The following TJP1 variants were observed in gnomAD, a reference collection of about 807,000 sequenced individuals.
The protein encoded by TJP1 is tight junction protein 1.
Under a neutral mutation model 194.2 loss-of-function variants are expected in TJP1, and 43 were observed. The observed-to-expected ratio is 0.22, with a 90% CI of 0.17 to 0.29. The LOEUF is 0.29. Among genes scored for constraint, TJP1 ranks in the 10% least tolerant of loss-of-function variants. The pLI is 1.00. For missense variants in TJP1, 1,971 were observed against 2,185.7 expected (o/e 0.90, Z 1.96); for synonymous variants, 801 against 779.0 (o/e 1.03, Z -0.47).
chr15:29,960,723 T>C (rs917583439), intron 1 of TJP1, among the ~76,000 whole-genome samples: 12 of 151,752 alleles, frequency 7.9e-5, no homozygotes, highest in South Asian at 2.1e-4. Flanking sequence ...GCCCACAGAC[T>C]CCACAGGAAG....
intron 27 of TJP1, among the ~76,000 whole-genome samples, chr15:29,703,178 C>CGG (rs1160527393): frequency 1.3e-5 from 2 of 152,166 alleles, no homozygotes; most frequent in Non-Finnish European, 2.9e-5. Context: ...AGGCCAGGCA[C>CGG]GGTGGCTCAC....
chr15:29,793,486 T>C (rs1329077113), intron 2 of TJP1, among the ~76,000 whole-genome samples: 4 of 152,210 alleles, frequency 2.6e-5, no homozygotes, highest in South Asian at 2.1e-4. Flanking sequence ...AAAGAGTTCA[T>C]TGGCTCACTA....
At chr15:29,906,934 G>A (rs2053834940) in intron 2 of TJP1, among the ~76,000 whole-genome samples, 1 of 151,770 alleles carries the variant, frequency 6.6e-6, no homozygotes, top group Admixed American at 6.6e-5. Flanking sequence ...ACTATTAACT[G>A]GAAAAAGCAG....
intron 2 of TJP1, among the ~76,000 whole-genome samples, chr15:29,869,795 CTTTTTTTTTTTT>C (rs11318770): frequency 8.4e-4 from 47 of 56,060 alleles, no homozygotes; most frequent in Non-Finnish European, 1.2e-3. Flanking sequence ...TTCTTTCTTT[CTTTTTTTTTTTT>C]TTTTTTTTTT....
At chr15:29,799,874 G>GC (rs961997391) in intron 2 of TJP1, among the ~76,000 whole-genome samples, 3 of 152,146 alleles carry the variant, frequency 2.0e-5, no homozygotes, top group African/African-American at 7.2e-5. Context: ...AGTGTAAAGT[G>GC]CAAGGCCAGT....
rs891510098 is a variant in TJP1 at position 29,708,552 on chromosome 15, G to A, written c.4850+7C>T. The A allele has an allele frequency of 5.0e-6, 8 of 1,597,378 alleles. No homozygotes were observed. Among genetic ancestry groups the A allele is most frequent in the Non-Finnish European group, 6.9e-6 (8 of 1,165,752 alleles). Reference sequence around the variant, plus strand: ...GCCAATGCTTTGAGCAAAGGCATAAGTCTTACCTCACAGGAATAGCTTTAG... The same window carrying A: ...GCCAATGCTTTGAGCAAAGGCATAAATCTTACCTCACAGGAATAGCTTTAG... On this transcript the variant is annotated splice_region_variant and intron_variant, in intron 25 of 27. Coordinates refer to ENST00000614355, the MANE Select transcript of TJP1 (RefSeq NM_001330239.4).
At position 29,766,256 on chromosome 15, in the gene TJP1, C is replaced by A. The variant is rs1434361963; in HGVS notation, c.589+10G>T. Reference sequence around the variant, plus strand: ...ATGTGAAAAAAACAGCAAGAGTTGGCAGAGAATACCTTCATTTTTCCGGGA... The same window carrying A: ...ATGTGAAAAAAACAGCAAGAGTTGGAAGAGAATACCTTCATTTTTCCGGGA... On this transcript the variant is annotated intron_variant, in intron 5 of 27. Coordinates refer to ENST00000614355, the MANE Select transcript of TJP1 (RefSeq NM_001330239.4). 6.2e-7 allele frequency: 1 copy of A among 1,603,124 alleles called. No individual in the cohort carries two copies. Among genetic ancestry groups the A allele is most frequent in the Non-Finnish European group, 8.5e-7 (1 of 1,175,800 alleles).
At chr15:29,803,961 T>C (rs1366526545) in intron 1 of TJP1, among the ~76,000 whole-genome samples, 1 of 151,962 alleles carries the variant, frequency 6.6e-6, no homozygotes, top group Admixed American at 6.6e-5. Context: ...GTTAGGCTCT[T>C]GACCAGCCAC....
chr15:29,809,609 C>A (rs2049346102), intron 1 of TJP1, among the ~76,000 whole-genome samples: 1 of 152,132 alleles, frequency 6.6e-6, no homozygotes, highest in Non-Finnish European at 1.5e-5. Context: ...ACTTGGGAGG[C>A]CAACGGGGGT....
intron 2 of TJP1, among the ~76,000 whole-genome samples, chr15:29,838,286 G>A (rs1342964010): frequency 6.6e-6 from 1 of 152,124 alleles, no homozygotes; most frequent in African/African-American, 2.4e-5. Context: ...TTAGCCAGGT[G>A]TGGTGGTGCA....
intron 2 of TJP1, among the ~76,000 whole-genome samples, chr15:29,885,189 G>A (rs1194770298): frequency 2.0e-5 from 3 of 152,078 alleles, no homozygotes; most frequent in Admixed American, 2.0e-4. Flanking sequence ...TTATGATAGG[G>A]AATCCTAACA....
chr15:29,719,244 T>C lies in TJP1; in HGVS notation c.3004-106A>G, dbSNP rs1221760009. 3 of 1,294,862 alleles carry C rather than the reference T, an allele frequency of 2.3e-6. No individual in the cohort carries two copies. In the East Asian group the frequency reaches 7.4e-5, roughly 32 times the overall value. The allele number at this position is 1,294,862 out of a possible 1,614,324, so 80.2% of individuals were successfully genotyped here. The stretch of plus-strand genomic sequence containing the variant: ...ACTACGATTTAATATGTGAAAATGG[T>C]ATGTTTTACCATTTATTATCAGGAT... On this transcript the variant is annotated intron_variant, in intron 20 of 27. Transcript: ENST00000614355.
chr15:29,800,664 A>G lies in TJP1; in HGVS notation c.66T>C (p.His22=). The G allele has an allele frequency of 6.2e-7, 1 of 1,613,972 alleles. No homozygotes were observed. Among genetic ancestry groups the G allele is most frequent in the Non-Finnish European group, 8.5e-7 (1 of 1,179,952 alleles). The part of the protein sequence containing the change: ...AMEETAIWEQ[H]TVTLHRAPGF... ...AACTTACCCTGTGAAGCGTCACTGT[A>G]TGTTGTTCCCATATAGCTGTTTCCT... The change falls in exon 2 of 28, where the codon CAT becomes CAC. Residue 22 remains histidine (H), a synonymous_variant. Coordinates refer to ENST00000614355, the MANE Select transcript of TJP1 (RefSeq NM_001330239.4).
intron 5 of TJP1, among the ~76,000 whole-genome samples, chr15:29,764,044 T>G (rs1227266687): frequency 6.6e-6 from 1 of 152,190 alleles, no homozygotes; most frequent in Non-Finnish European, 1.5e-5. Context: ...TTCTAAATAT[T>G]TCTTGGGGTA....
chr15:29,817,040 A>C (rs1305168299), intron 1 of TJP1, among the ~76,000 whole-genome samples: 1 of 152,190 alleles, frequency 6.6e-6, no homozygotes, highest in Non-Finnish European at 1.5e-5. Context: ...ATGGGAGAAA[A>C]ACTTTTGCCA....
chr15:29,742,715 A>G lies in TJP1; in HGVS notation c.1077T>C (p.Ala359=). The part of the protein sequence containing the change: ...PGAVSTPVKH[A]DDHTPKTVEE... ...CCACTGTTTTAGGTGTGTGATCATCAGCATGCTTTACAGGAGTTGAGACAG... is the reference window on the plus strand; with the variant it reads ...CCACTGTTTTAGGTGTGTGATCATCGGCATGCTTTACAGGAGTTGAGACAG... The change falls in exon 9 of 28, where the codon GCT becomes GCC. Residue 359 remains alanine, a synonymous_variant. Coordinates refer to ENST00000614355, the MANE Select transcript of TJP1 (RefSeq NM_001330239.4). 1 of 1,609,692 alleles carries G rather than the reference A, an allele frequency of 6.2e-7. No individual in the cohort carries two copies. The highest frequency in any genetic ancestry group is 8.5e-7 in the Non-Finnish European group (1 of 1,178,310).
chr15:29,830,968 CAAAG>C (rs1388825576), intron 2 of TJP1, among the ~76,000 whole-genome samples: 2 of 151,934 alleles, frequency 1.3e-5, no homozygotes, highest in Admixed American at 6.6e-5. Flanking sequence ...AAGAAACAAA[CAAAG>C]GAAGAAAAGA....
rs529194331 is a variant in TJP1 at position 29,848,685 on chromosome 15, C to A, written c.307-47983G>T. Among the ~76,000 whole-genome samples the A allele has an allele frequency of 6.6e-5, 10 of 151,976 alleles. No homozygotes were observed. The South Asian group carries it at 2.1e-3, about 32-fold the overall frequency. ...GACCATCTGGCCAACATGGTGAAACCCCATCTCTACTAAAAATACAAAAAT... is the reference window on the plus strand; with the variant it reads ...GACCATCTGGCCAACATGGTGAAACACCATCTCTACTAAAAATACAAAAAT... On this transcript the variant is annotated intron_variant, in intron 2 of 28. Transcript: ENST00000356107.
intron 8 of TJP1, among the ~76,000 whole-genome samples, chr15:29,755,350 T>C (rs1412195944): frequency 6.6e-6 from 1 of 152,240 alleles, no homozygotes; most frequent in Non-Finnish European, 1.5e-5. Context: ...CCTGCATGTT[T>C]ATTTGGACTT....
Sources: allele counts gnomAD v4.1 joint callset (sites outside exome capture counted in the v4.1 genomes callset), GRCh38; gene constraint gnomAD v4.1.1; transcripts MANE v1.5; gene names NCBI Gene and HGNC (gene_info 2026-07-23, HGNC 2026-07-21).